Variants in CDKAL1 observed in about 807,000 individuals in gnomAD.
CDKAL1 encodes the protein CDKAL1 threonylcarbamoyladenosine tRNA methylthiotransferase, also known as threonylcarbamoyladenosine tRNA methylthiotransferase.
In CDKAL1, 32 loss-of-function variants were observed where a neutral mutation model predicts 68.2. The observed-to-expected ratio is 0.47, with a 90% CI of 0.35 to 0.63. The LOEUF is 0.63. Ranked by LOEUF, CDKAL1 falls within the 30% of genes least tolerant of loss-of-function variation. CDKAL1 has a pLI of 0.00. For missense variants in CDKAL1, 606 were observed against 696.7 expected, an observed-to-expected ratio of 0.87 and a Z score of 1.47; for synonymous variants, 234 against 244.3, an observed-to-expected ratio of 0.96 and a Z score of 0.39.
chr6:21,073,289 C>T (rs9368271), intron 12 of CDKAL1, among the ~76,000 whole-genome samples: 57,303 of 152,032 alleles, frequency 0.38, 11,193 homozygotes, highest in East Asian at 0.63. Context: ...TAAACATCCA[C>T]GTGCAGGTTT....
chr6:21,075,321 A>T (rs1403057829), intron 12 of CDKAL1, among the ~76,000 whole-genome samples: 1 of 152,160 alleles, frequency 6.6e-6, no homozygotes, highest in Non-Finnish European at 1.5e-5. Flanking sequence ...CATTAATATA[A>T]ATAAATTTCA....
intron 9 of CDKAL1, among the ~76,000 whole-genome samples, chr6:20,893,980 G>A (rs1310709825): frequency 1.3e-5 from 2 of 152,132 alleles, no homozygotes; most frequent in African/African-American, 2.4e-5. Flanking sequence ...CATTCAAATG[G>A]TGTGATTATA....
intron 6 of CDKAL1, among the ~76,000 whole-genome samples, chr6:20,747,614 T>G (rs1773717876): frequency 6.6e-6 from 1 of 152,250 alleles, no homozygotes; most frequent in Non-Finnish European, 1.5e-5. Context: ...TTTCATTGGC[T>G]ATTTGTATGT....
At chr6:20,800,206 CA>C (rs1776309484) in intron 8 of CDKAL1, among the ~76,000 whole-genome samples, 2 of 151,840 alleles carry the variant, frequency 1.3e-5, no homozygotes, top group African/African-American at 4.8e-5. Flanking sequence ...TTGCAATAGC[CA>C]AAAATGGGAA....
chr6:21,053,487 G>C (rs1210867708), intron 11 of CDKAL1, among the ~76,000 whole-genome samples: 1 of 152,210 alleles, frequency 6.6e-6, no homozygotes, highest in Non-Finnish European at 1.5e-5. Context: ...TAGACACCTA[G>C]AGTAGAATTG....
chr6:20,646,511 G>A (rs951825858), intron 4 of CDKAL1, among the ~76,000 whole-genome samples: 6 of 151,770 alleles, frequency 4.0e-5, no homozygotes, highest in African/African-American at 7.3e-5. Flanking sequence ...GTGGTCCATC[G>A]TTGACTGAAA....
intron 5 of CDKAL1, among the ~76,000 whole-genome samples, chr6:20,730,418 AAAAG>A (rs1423509479): frequency 6.6e-6 from 1 of 150,626 alleles, no homozygotes; most frequent in African/African-American, 2.4e-5. Context: ...AGAAAGAAAG[AAAAG>A]AAAGGAAGAA....
chr6:20,752,644 T>C, intron 6 of CDKAL1, among the ~76,000 whole-genome samples: 1 of 152,202 alleles, frequency 6.6e-6, no homozygotes, highest in Non-Finnish European at 1.5e-5. Context: ...ATTCTTTTTA[T>C]GTGTACACAT....
chr6:20,811,666 T>G (rs1776822044), intron 8 of CDKAL1, among the ~76,000 whole-genome samples: 1 of 152,108 alleles, frequency 6.6e-6, no homozygotes, highest in Non-Finnish European at 1.5e-5. Flanking sequence ...TGCTGTACAC[T>G]GCATATTACA....
At chr6:20,643,831 C>G (rs1322106707) in intron 4 of CDKAL1, among the ~76,000 whole-genome samples, 3 of 151,502 alleles carry the variant, frequency 2.0e-5, no homozygotes, top group African/African-American at 7.3e-5. Flanking sequence ...TCTTTTTTTC[C>G]CTTCTTTTTT....
intron 13 of CDKAL1, among the ~76,000 whole-genome samples, chr6:21,177,301 A>T (rs754684026): frequency 3.5e-4 from 53 of 152,036 alleles, no homozygotes; most frequent in Non-Finnish European, 6.3e-4. Flanking sequence ...TTCCATTTTT[A>T]TATTTCTTAG....
chr6:20,617,890 G>C (rs1227816369), intron 4 of CDKAL1, among the ~76,000 whole-genome samples: 1 of 152,142 alleles, frequency 6.6e-6, no homozygotes, highest in Non-Finnish European at 1.5e-5. Context: ...ATGTACATGT[G>C]TCTTTATAGC....
intron 9 of CDKAL1, among the ~76,000 whole-genome samples, chr6:20,885,454 A>G (rs1487439780): frequency 2.0e-5 from 3 of 152,216 alleles, no homozygotes; most frequent in African/African-American, 7.2e-5. Flanking sequence ...ATTTCTGCAT[A>G]CAAAAGAACA....
At chr6:20,854,014 C>G (rs1303083533) in intron 9 of CDKAL1, among the ~76,000 whole-genome samples, 1 of 152,170 alleles carries the variant, frequency 6.6e-6, no homozygotes, top group Non-Finnish European at 1.5e-5. Context: ...TTGTTATCAA[C>G]CAAGGCATCA....
In CDKAL1 at chr6:20,549,865, C is replaced by A. The variant is rs538330819; in HGVS notation, c.286+1160C>A. Reference sequence around the variant, plus strand: ...CAAGTGATCCACTCGCCTCGGCCTCCCAAAGTGCGGGGATTACAGGTGTGA... The same window carrying A: ...CAAGTGATCCACTCGCCTCGGCCTCACAAAGTGCGGGGATTACAGGTGTGA... On this transcript the variant is annotated intron_variant, in intron 4 of 15. Transcript: ENST00000274695. 3.3e-5 allele frequency among the ~76,000 whole-genome samples: 5 copies of A among 152,314 alleles called. No homozygotes were observed. In the South Asian group the frequency reaches 6.2e-4, roughly 19 times the overall value.
At chr6:21,214,881 GAATGA>G (rs1779287336) in intron 15 of CDKAL1, among the ~76,000 whole-genome samples, 1 of 151,178 alleles carries the variant, frequency 6.6e-6, no homozygotes, top group African/African-American at 2.4e-5. Context: ...TTGGATGAAT[GAATGA>G]ATGAATGAAT....
chr6:20,732,553 C>A (rs1035050760), intron 5 of CDKAL1, among the ~76,000 whole-genome samples: 1 of 151,724 alleles, frequency 6.6e-6, no homozygotes, highest in Non-Finnish European at 1.5e-5. Context: ...TCCCAAAGTG[C>A]TAGGATTACA....
intron 7 of CDKAL1, among the ~76,000 whole-genome samples, chr6:20,765,530 C>T (rs1240383109): frequency 2.0e-5 from 3 of 152,126 alleles, no homozygotes; most frequent in African/African-American, 7.2e-5. Context: ...AGTTTCCCCA[C>T]GTTAACAATA....
Position 20,937,086 on chromosome 6 carries a change from CTCTT to C in CDKAL1, c.743-18327_743-18324del, listed in dbSNP as rs539807148. Among the ~76,000 whole-genome samples, 221 of 151,976 alleles carry C rather than the reference CTCTT, an allele frequency of 1.5e-3. 2 individuals carry two copies. Among genetic ancestry groups the C allele is most frequent in the Non-Finnish European group, 1.8e-3 (125 of 67,936 alleles). On this transcript the variant is annotated intron_variant, in intron 9 of 15. Transcript: ENST00000274695. ...ACCCTTCTTCAAGTGTTTTTTTTCT[CTCTT>C]TCTTTTCTTTTTTTTAAAGACAGTG... is the stretch of plus-strand genomic sequence containing the variant.
Sources: gnomAD v4.1 joint callset for allele counts (sites outside exome capture counted in the v4.1 genomes callset) on GRCh38, gnomAD v4.1.1 for gene constraint, MANE v1.5 for transcripts, NCBI Gene and HGNC (gene_info 2026-07-23, HGNC 2026-07-21) for gene names.